Variants in TLN1 observed in about 807,000 individuals in gnomAD.
TLN1 encodes talin-1.
Under a neutral mutation model 292.3 loss-of-function variants are expected in TLN1, and 56 were observed. The observed-to-expected ratio is 0.19, with a 90% CI of 0.15 to 0.24. The LOEUF (loss-of-function observed/expected upper bound fraction) is 0.24. Ranked by LOEUF, TLN1 falls within the 10% of genes least tolerant of loss-of-function variation. TLN1 has a pLI of 1.00. For missense variants in TLN1, 2,433 were observed against 3,248.2 expected, an observed-to-expected ratio of 0.75 and a Z score of 6.10; for synonymous variants, 1,119 against 1,253.7, an observed-to-expected ratio of 0.89 and a Z score of 2.27.
intron 1 of TLN1, among the ~76,000 whole-genome samples, chr9:35,731,465 T>C (rs1266029571): frequency 6.6e-6 from 1 of 152,168 alleles, no homozygotes; most frequent in Non-Finnish European, 1.5e-5. Context: ...TAAAGTTCAT[T>C]TATAATTTGA....
At chr9:35,709,664 G>A (rs934126493) in intron 33 of TLN1, among the ~76,000 whole-genome samples, 7 of 151,564 alleles carry the variant, frequency 4.6e-5, no homozygotes, top group Middle Eastern at 3.2e-3. Flanking sequence ...CGAGACGGGC[G>A]GATCACGAGG....
At chr9:35,713,808 G>A in intron 25 of TLN1, 145 bp downstream of exon 25, 1 of 826,362 alleles carries the variant, frequency 1.2e-6, no homozygotes, top group South Asian at 2.6e-5. Context: ...AAGAAAAAAG[G>A]AAGGAAGAAG....
Position 35,714,346 on chromosome 9 carries a change from T to C in TLN1, c.3013A>G (p.Lys1005Glu). Residue 1005 changes from lysine (K) to glutamate (E), a missense_variant, in exon 24 of 57, where the codon AAG (lysine) becomes GAG (glutamate). This residue lies in a region of TLN1 where 617 missense variants were observed against 770.6 expected (regional missense o/e 0.80). Coordinates refer to ENST00000314888, the MANE Select transcript of TLN1 (RefSeq NM_006289.4). This position sits in a 1 kb window ranked among gnomAD's most constrained non-coding sequence, Gnocchi z 4.6. ...TCCTGAATCGTTGGCACTGAGGCCT[T>C]TGCAGCTGCCACCATCTTCCCACCT... ...QPGGKMVAAA[K>E]ASVPTIQDQA... The C allele has an allele frequency of 6.2e-7, 1 of 1,612,714 alleles. No individual in the cohort carries two copies. The highest frequency in any genetic ancestry group is 8.5e-7 in the Non-Finnish European group (1 of 1,179,196).
chr9:35,706,925 C>T lies in TLN1; in HGVS notation c.4956-25G>A. The T allele has an allele frequency of 6.2e-7, 1 of 1,612,702 alleles. No homozygotes were observed. Among genetic ancestry groups the T allele is most frequent in the Non-Finnish European group, 8.5e-7 (1 of 1,179,440 alleles). ...CCTGCAGACACATCATGGGCTCCAA[C>T]ACCAAGAACATCCCCTACTGCAAGG... On this transcript the variant is annotated intron_variant, in intron 37 of 56. Coordinates refer to ENST00000314888, the MANE Select transcript of TLN1 (RefSeq NM_006289.4). The surrounding 1 kb of genome is among the most constrained non-coding windows in gnomAD (Gnocchi z 4.2).
intron 7 of TLN1, 28 bp downstream of exon 7, chr9:35,723,924 G>A: frequency 6.2e-7 from 1 of 1,612,654 alleles, no homozygotes; most frequent in Non-Finnish European, 8.5e-7. Flanking sequence ...CCTGGGCCCT[G>A]ACAGGGTATA....
At chr9:35,711,572 C>T in intron 29 of TLN1, 23 bp downstream of exon 29, 4 of 1,613,344 alleles carry the variant, frequency 2.5e-6, no homozygotes, top group Non-Finnish European at 2.5e-6. Context: ...AACCATTCAA[C>T]CAGACCCTCT....
chr9:35,719,007 T>A lies in TLN1; in HGVS notation c.1896+67A>T. 6.3e-7 allele frequency: 1 copy of A among 1,597,516 alleles called. No individual in the cohort carries two copies. Among genetic ancestry groups the A allele is most frequent in the Non-Finnish European group, 8.6e-7 (1 of 1,168,004 alleles). On this transcript the variant is annotated intron_variant, in intron 16 of 56. Transcript: ENST00000314888. The surrounding 1 kb of genome is among the most constrained non-coding windows in gnomAD (Gnocchi z 4.6). ...GGGACCCAGGCTTCCATCCTGTGGC[T>A]TGGACTGCCCCTTCTCCTTGGGCTT... is the stretch of plus-strand genomic sequence containing the variant.
At position 35,699,349 on chromosome 9, in the gene TLN1, C is replaced by A. The variant is rs746459933; in HGVS notation, c.6874+7G>T. The A allele has an allele frequency of 6.2e-7, 1 of 1,609,214 alleles. No homozygotes were observed. The highest frequency in any genetic ancestry group is 1.7e-5 in the Admixed American group (1 of 59,382). On this transcript the variant is annotated splice_region_variant and intron_variant, in intron 51 of 56. Transcript: ENST00000314888. This position sits in a 1 kb window ranked among gnomAD's most constrained non-coding sequence, Gnocchi z 4.0. ...TCCATCCGTCCCTGTCCCTGGTCAC[C>A]CCTCACCCTTCATGGCTTCAGCAGC...
intron 33 of TLN1, among the ~76,000 whole-genome samples, chr9:35,709,784 G>A (rs1825628680): frequency 6.7e-6 from 1 of 149,806 alleles, no homozygotes; most frequent in Admixed American, 6.7e-5. Flanking sequence ...CTACACGGGA[G>A]GCTGAGGCAG....
intron 9 of TLN1, 102 bp from the exon 10 acceptor site, chr9:35,721,905 A>G: frequency 6.8e-7 from 1 of 1,476,130 alleles, no homozygotes; most frequent in South Asian, 1.2e-5. Context: ...GGTGGCCGGG[A>G]GGGCTAACGG....
chr9:35,719,071 G>A lies in TLN1; in HGVS notation c.1896+3C>T. On this transcript the variant is annotated splice_donor_region_variant and intron_variant, in intron 16 of 56. Coordinates refer to ENST00000314888, the MANE Select transcript of TLN1 (RefSeq NM_006289.4). This position sits in a 1 kb window ranked among gnomAD's most constrained non-coding sequence, Gnocchi z 4.6. The stretch of plus-strand genomic sequence containing the variant: ...ACCCTAACCCAAACCTGTGGCCCCT[G>A]ACCTCAGCACTGGCTGGTTGGGCAC... 6.2e-7 allele frequency: 1 copy of A among 1,610,346 alleles called. No individual in the cohort carries two copies. The highest frequency in any genetic ancestry group is 8.5e-7 in the Non-Finnish European group (1 of 1,177,890).
intron 10 of TLN1, among the ~76,000 whole-genome samples, 171 bp downstream of exon 10, chr9:35,721,477 G>A (rs980322622): frequency 2.0e-5 from 3 of 152,070 alleles, no homozygotes; most frequent in African/African-American, 7.2e-5. Context: ...TCCATCATCC[G>A]TTTCATTTAA....
intron 33 of TLN1, 130 bp from the exon 34 acceptor site, chr9:35,708,614 G>T: frequency 1.2e-6 from 1 of 851,272 alleles, no homozygotes; most frequent in Non-Finnish European, 1.6e-6. Flanking sequence ...TTCTCCATGA[G>T]TGGAGATACA....
In TLN1 at chr9:35,704,969, T is replaced by G. The variant is rs1295086755; in HGVS notation, c.5734-154A>C. 6.6e-6 allele frequency among the ~76,000 whole-genome samples: 1 copy of G among 152,180 alleles called. No individual in the cohort carries two copies. Among genetic ancestry groups the G allele is most frequent in the East Asian group, 1.9e-4 (1 of 5,196 alleles). On this transcript the variant is annotated intron_variant, in intron 43 of 56. Coordinates refer to ENST00000314888, the MANE Select transcript of TLN1 (RefSeq NM_006289.4). This position sits in a 1 kb window ranked among gnomAD's most constrained non-coding sequence, Gnocchi z 6.9. ...TTCCCAGCACAAGGACGTTTCCGGT[T>G]GCATATCCTTTAGGCAGAAGGTCAC...
At chr9:35,710,509 A>C in intron 33 of TLN1, 52 bp downstream of exon 33, 2 of 1,583,356 alleles carry the variant, frequency 1.3e-6, no homozygotes, top group Non-Finnish European at 8.6e-7. Context: ...CTGAGAGAAA[A>C]TGGGGTAAAG....
chr9:35,697,148 C>T lies in TLN1; in HGVS notation c.*643G>A, dbSNP rs1825381323. The T allele has an allele frequency of 6.6e-6, 1 of 152,456 alleles. No homozygotes were observed. Among genetic ancestry groups the T allele is most frequent in the Non-Finnish European group, 1.5e-5 (1 of 68,302 alleles). The allele number at this position is 152,456 out of a possible 1,614,324, so 9.4% of individuals were successfully genotyped here. ...GGTGAGGATAACAGGAGTATGACTT[C>T]TCAGGCACAACTTCCCCATTGGATA... is the stretch of plus-strand genomic sequence containing the variant. On this transcript the variant is annotated 3_prime_UTR_variant, in exon 57 of 57. Transcript: ENST00000314888.
chr9:35,697,743 G>A lies in TLN1; in HGVS notation c.*48C>T. On this transcript the variant is annotated 3_prime_UTR_variant, in exon 57 of 57. Transcript: ENST00000314888. ...GACAGCCCAGAAGGCTTTGGTAGTG[G>A]CACGCACAGTCTCTGGGCCGGGTCT... 1 of 1,605,188 alleles carries A rather than the reference G, an allele frequency of 6.2e-7. No individual in the cohort carries two copies.
At position 35,717,417 on chromosome 9, in the gene TLN1, T is replaced by C. The variant is rs766722631; in HGVS notation, c.2187A>G (p.Ser729=). Residue 729 remains serine, a synonymous_variant, in exon 19 of 57, where the codon TCA becomes TCG. Transcript: ENST00000314888. The surrounding 1 kb of genome is among the most constrained non-coding windows in gnomAD (Gnocchi z 4.7). ...CCACCAGTTGCTCTTGGCAGACAGG[T>C]GAGCTGATTGTAGGTGCCACCACCT... ...CTKVVAPTIS[S]PVCQEQLVEA... 1.9e-6 allele frequency: 3 copies of C among 1,613,606 alleles called. No homozygotes were observed. In the Admixed American group the frequency reaches 5.0e-5, roughly 27 times the overall value.
chr9:35,709,392 G>A (rs1225438076), intron 33 of TLN1, among the ~76,000 whole-genome samples: 1 of 152,236 alleles, frequency 6.6e-6, no homozygotes, highest in Non-Finnish European at 1.5e-5. Context: ...GGGAGGTGGT[G>A]GAGATGGAGG....
Sources: gnomAD v4.1 joint callset for allele counts (sites outside exome capture counted in the v4.1 genomes callset) on GRCh38, gnomAD v4.1.1 for gene constraint, gnomAD v4.1.1 regional missense constraint, Gnocchi (gnomAD v3.1) non-coding constraint, MANE v1.5 for transcripts, NCBI Gene and HGNC (gene_info 2026-07-23, HGNC 2026-07-21) for gene names.